GNAQ: variants seen among roughly 807,000 people sequenced by gnomAD.
The protein encoded by GNAQ is G protein subunit alpha q, also known as guanine nucleotide-binding protein G(q) subunit alpha.
GNAQ carries 8 observed loss-of-function variants against 43.9 expected under a neutral mutation model. That is an observed-to-expected ratio of 0.18 (90% confidence interval 0.11 to 0.33). The LOEUF (loss-of-function observed/expected upper bound fraction) is 0.33, where lower values mean the gene tolerates loss of function less well. Ranked by LOEUF, GNAQ falls within the 10% of genes least tolerant of loss-of-function variation. GNAQ has a pLI of 1.00. For synonymous variants in GNAQ, 155 were observed against 170.7 expected (o/e 0.91, Z 0.71); for missense variants, 158 against 450.8 (o/e 0.35, Z 5.88).
chr9:77,999,366 C>CCCCT (rs1823616434), intron 1 of GNAQ, among the ~76,000 whole-genome samples: 1 of 152,152 alleles, frequency 6.6e-6, no homozygotes, highest in Admixed American at 6.5e-5. Flanking sequence ...TTAAATACTT[C>CCCCT]CCCTCTCTTC....
At chr9:77,762,419 G>A (rs1461055258) in intron 5 of GNAQ, among the ~76,000 whole-genome samples, 1 of 131,784 alleles carries the variant, frequency 7.6e-6, no homozygotes, top group Non-Finnish European at 1.6e-5. Flanking sequence ...CATCCGGGAG[G>A]GAGGTGGGGG....
chr9:77,785,121 G>T (rs1412520488), intron 5 of GNAQ, among the ~76,000 whole-genome samples: 1 of 152,178 alleles, frequency 6.6e-6, no homozygotes, highest in Non-Finnish European at 1.5e-5. Flanking sequence ...GGTCTTTGCT[G>T]TAAGGATCTT....
chr9:77,830,866 C>T (rs1019740383), intron 2 of GNAQ, among the ~76,000 whole-genome samples: 3 of 151,418 alleles, frequency 2.0e-5, no homozygotes, highest in African/African-American at 7.3e-5. Flanking sequence ...CACACACAAT[C>T]AATGTGTGAA....
intron 1 of GNAQ, among the ~76,000 whole-genome samples, chr9:77,938,979 C>T (rs986341966): frequency 1.3e-5 from 2 of 152,206 alleles, no homozygotes; most frequent in African/African-American, 4.8e-5. Flanking sequence ...CCCCCTGCCC[C>T]TCTGCAATGT....
At chr9:78,021,026 C>T (rs1013323953) in intron 1 of GNAQ, among the ~76,000 whole-genome samples, 11 of 148,582 alleles carry the variant, frequency 7.4e-5, no homozygotes, top group African/African-American at 2.7e-4. Flanking sequence ...AGAATGCAAA[C>T]GAGGAACACA....
intron 2 of GNAQ, among the ~76,000 whole-genome samples, chr9:77,860,550 A>G (rs12001970): frequency 5.5e-4 from 84 of 152,328 alleles, no homozygotes; most frequent in African/African-American, 1.7e-3. Context: ...AGGAGCGTGC[A>G]ACCTAGATCC....
intron 1 of GNAQ, among the ~76,000 whole-genome samples, chr9:77,999,284 AC>A: frequency 6.6e-6 from 1 of 152,234 alleles, no homozygotes; most frequent in East Asian, 1.9e-4. Flanking sequence ...AAAAGAATTT[AC>A]TCCATCCGGG....
At chr9:77,838,137 ATTTTTTT>A (rs574992587) in intron 2 of GNAQ, among the ~76,000 whole-genome samples, 49 of 87,186 alleles carry the variant, frequency 5.6e-4, no homozygotes, top group South Asian at 7.0e-4. Context: ...GGCATTAATG[ATTTTTTT>A]TTTTTTTTTT....
intron 1 of GNAQ, among the ~76,000 whole-genome samples, chr9:77,940,839 C>T (rs576206671): frequency 2.7e-4 from 41 of 151,758 alleles, no homozygotes; most frequent in Non-Finnish European, 3.7e-4. Context: ...TGGTGGCAGA[C>T]GCCTGTAGTC....
In GNAQ at chr9:78,014,852, A is replaced by G. The variant is rs145510243; in HGVS notation, c.136+16248T>C. Among the ~76,000 whole-genome samples, 245 of 152,336 alleles carry G rather than the reference A, an allele frequency of 1.6e-3. 1 individual carries two copies. In the Middle Eastern group the frequency reaches 0.017, roughly 11 times the overall value. On this transcript the variant is annotated intron_variant, in intron 1 of 6. Transcript: ENST00000286548. ...CACCACATTAACAATGTTTCAGTCA[A>G]CAACAGACCACGTAAATAACTGTGG...
At chr9:77,819,761 C>G (rs1452006565) in intron 2 of GNAQ, among the ~76,000 whole-genome samples, 1 of 147,258 alleles carries the variant, frequency 6.8e-6, no homozygotes, top group Non-Finnish European at 1.5e-5. Flanking sequence ...AAAAAATCAC[C>G]AACTCCTAAA....
chr9:77,772,088 G>A (rs752779294), intron 5 of GNAQ, among the ~76,000 whole-genome samples: 36 of 152,044 alleles, frequency 2.4e-4, no homozygotes, highest in Non-Finnish European at 3.1e-4. Context: ...AGCACTGTAC[G>A]GTGTAGACCT....
rs7045868 is a variant in GNAQ, at chr9:77,972,212, C to T, written c.137-49867G>A. 8.6e-3 allele frequency among the ~76,000 whole-genome samples: 1,303 copies of T among 151,974 alleles called. 16 individuals are homozygous for T. Among genetic ancestry groups the T allele is most frequent in the African/African-American group, 0.03 (1,230 of 41,446 alleles). On this transcript the variant is annotated intron_variant, in intron 1 of 6. Transcript: ENST00000286548. ...TTAGTATTTGGGGATGATATAATTG[C>T]TTTTCTTTAAAAAACCCAAGAGAAA...
intron 2 of GNAQ, among the ~76,000 whole-genome samples, chr9:77,870,401 G>C (rs1001956938): frequency 1.4e-5 from 2 of 144,182 alleles, no homozygotes; most frequent in Non-Finnish European, 3.0e-5. Flanking sequence ...CGCGATCTCA[G>C]CTCACTGCAA....
chr9:77,863,179 A>AAGGAAGG lies in GNAQ; in HGVS notation c.322-47410_322-47409insCCTTCCT, dbSNP rs1827883795. 1.1e-3 allele frequency among the ~76,000 whole-genome samples: 140 copies of AAGGAAGG among 130,114 alleles called. 2 individuals are homozygous for AAGGAAGG. The highest frequency in any genetic ancestry group is 3.1e-3 in the African/African-American group (104 of 33,878). 85.4% of individuals were successfully genotyped at this position (130,114 alleles called of 152,430 possible). A position where few individuals can be genotyped will look rare whatever the true frequency, so the allele number is the denominator to read the frequency against. The stretch of plus-strand genomic sequence containing the variant: ...ACAAGAATGAAACTCCGTATGAAAG[A>AAGGAAGG]AAGGAAGGAAGGAAGGAAGGAAGGA... On this transcript the variant is annotated intron_variant, in intron 2 of 6. Coordinates refer to ENST00000286548, the MANE Select transcript of GNAQ (RefSeq NM_002072.5).
At chr9:77,999,583 G>C (rs780217687) in intron 1 of GNAQ, among the ~76,000 whole-genome samples, 6 of 152,206 alleles carry the variant, frequency 3.9e-5, no homozygotes, top group Admixed American at 3.3e-4. Flanking sequence ...TCAGTATAAA[G>C]ATCTCATTCT....
At position 77,783,575 on chromosome 9, in the gene GNAQ, G is replaced by A. The variant is rs114297947; in HGVS notation, c.735+10888C>T. Among the ~76,000 whole-genome samples, 716 of 152,088 alleles carry A rather than the reference G, an allele frequency of 4.7e-3. 7 individuals carry two copies. Among genetic ancestry groups the A allele is most frequent in the African/African-American group, 0.016 (664 of 41,494 alleles). On this transcript the variant is annotated intron_variant, in intron 5 of 6. Transcript: ENST00000286548. ...TCTTCAAGTCACTGCCTGCCTGTGC[G>A]GGCTCCCACTGCTGCTCTGACCTTG...
At chr9:77,997,213 C>CATTTT (rs1252173584) in intron 1 of GNAQ, among the ~76,000 whole-genome samples, 3 of 152,210 alleles carry the variant, frequency 2.0e-5, no homozygotes, top group Non-Finnish European at 2.9e-5. Context: ...CCCCAGCAAG[C>CATTTT]ATTTTAACAG....
chr9:77,771,950 A>T (rs1487774578), intron 5 of GNAQ, among the ~76,000 whole-genome samples: 5 of 152,148 alleles, frequency 3.3e-5, no homozygotes, highest in Non-Finnish European at 7.4e-5. Flanking sequence ...GAGCCAGCTA[A>T]TTCCCATCTG....
Sources: allele counts gnomAD v4.1 joint callset (sites outside exome capture counted in the v4.1 genomes callset), GRCh38; gene constraint gnomAD v4.1.1; transcripts MANE v1.5; gene names NCBI Gene and HGNC (gene_info 2026-07-23, HGNC 2026-07-21).